PRX: variants seen among roughly 807,000 people sequenced by gnomAD.
The protein encoded by PRX is periaxin.
In PRX, 24 loss-of-function variants were observed where a neutral mutation model predicts 29.6. The observed-to-expected ratio is 0.81, with a 90% CI of 0.59 to 1.14. The LOEUF (loss-of-function observed/expected upper bound fraction) is 1.14, where lower values mean the gene tolerates loss of function less well. PRX is among the 50% of genes most tolerant of loss of function. The pLI is 0.00. For synonymous variants in PRX, 772 were observed against 831.7 expected, an observed-to-expected ratio of 0.93 and a Z score of 1.24; for missense variants, 1,838 against 1,926.4, an observed-to-expected ratio of 0.95 and a Z score of 0.86.
At chr19:40,403,948 T>TACATATATATAA in intron 4 of PRX, 86 bp from the exon 5 acceptor site, 8 of 1,418,414 alleles carry the variant, frequency 5.6e-6, no homozygotes, top group Non-Finnish European at 7.7e-6. Flanking sequence ...GTGGCTCATA[T>TACATATATATAA]ACATATATAT....
intron 1 of PRX, among the ~76,000 whole-genome samples, chr19:40,412,769 G>A (rs1223008001): frequency 2.6e-5 from 4 of 152,196 alleles, no homozygotes; most frequent in African/African-American, 9.7e-5. Flanking sequence ...AGACTGGAGT[G>A]CAGAGGTGTG....
At chr19:40,413,481 G>C (rs1483857025), upstream of PRX, 1 of 152,296 alleles carries the variant, frequency 6.6e-6, no homozygotes, top group Non-Finnish European at 1.5e-5. Context: ...CAGAGGGTGG[G>C]TGGTGGAGAA....
intron 5 of PRX, among the ~76,000 whole-genome samples, chr19:40,401,770 T>C (rs1052317250): frequency 1.1e-3 from 94 of 82,434 alleles, no homozygotes; most frequent in African/African-American, 2.3e-3. Flanking sequence ...AGCCCACCCC[T>C]TTTTTTTTTT....
chr19:40,407,020 C>T (rs1359560336), intron 4 of PRX, among the ~76,000 whole-genome samples: 2 of 152,012 alleles, frequency 1.3e-5, no homozygotes, highest in Non-Finnish European at 2.9e-5. Flanking sequence ...GTGATCCGCC[C>T]GCCTTGGCCT....
At chr19:40,399,903 C>CTTTCTTTCTTTCTTTCTTTG (rs1286484666) in intron 5 of PRX, among the ~76,000 whole-genome samples, 1 of 60,292 alleles carries the variant, frequency 1.7e-5, no homozygotes, top group Admixed American at 1.7e-4. Context: ...TTCTTTCTTT[C>CTTTCTTTCTTTCTTTCTTTG]TTTTTCTTTC....
intron 5 of PRX, among the ~76,000 whole-genome samples, chr19:40,400,928 A>G (rs2079489983): frequency 6.6e-6 from 1 of 151,948 alleles, no homozygotes; most frequent in Admixed American, 6.6e-5. Flanking sequence ...TCCACCCTAG[A>G]CTCACATCCA....
chr19:40,396,582 C>T lies in PRX; in HGVS notation c.1770G>A (p.Val590=). The T allele has an allele frequency of 3.1e-6, 5 of 1,613,622 alleles. No individual in the cohort carries two copies. The highest frequency in any genetic ancestry group is 4.2e-6 in the Non-Finnish European group (5 of 1,179,872). Residue 590 remains valine (V), a synonymous_variant, in exon 7 of 7, where the codon GTG becomes GTA. Transcript: ENST00000324001. ...MKVPEMKLPK[V]PEMKLPEMKL... ...TCATCTCAGGAAGTTTCATCTCAGG[C>T]ACCTTTGGAAGCTTCATCTCAGGGA...
At position 40,395,036 on chromosome 19, in the gene PRX, C is replaced by T. The variant is rs776889377; in HGVS notation, c.3316G>A (p.Ala1106Thr). Residue 1106 changes from alanine (A) to threonine (T), a missense_variant, in exon 7 of 7, where the codon GCC becomes ACC. This residue lies in a region of PRX where 1,143 missense variants were observed against 1,193.0 expected (regional missense o/e 0.96). Coordinates refer to ENST00000324001, the MANE Select transcript of PRX (RefSeq NM_181882.3). The part of the protein sequence containing the change: ...IPEVELVTLG[A>T]QEEGRAEGAV... ...CCCTCTGCCCTCCCTTCCTCCTGGG[C>T]GCCCAGCGTGACCAGCTCCACCTCG... 5.0e-6 allele frequency: 8 copies of T among 1,611,084 alleles called. No individual in the cohort carries two copies. Among genetic ancestry groups the T allele is most frequent in the South Asian group, 1.1e-5 (1 of 91,072 alleles).
rs200133532 is a variant in PRX, at chr19:40,394,878, G to A, written c.3474C>T (p.Thr1158=). ...CTGGGGTACCTGCCTCCCCAAAGCC[G>A]GTCAGCTCCACCTGTGGCAGGGAGA... is the stretch of plus-strand genomic sequence containing the variant. ...LGISLPQVEL[T]GFGEAGTPGQ... is the part of the protein sequence containing the mutation. The change falls in exon 7 of 7, where the codon ACC becomes ACT. Residue 1158 remains threonine, a synonymous_variant. Transcript: ENST00000324001. The surrounding 1 kb of genome is among the most constrained non-coding windows in gnomAD (Gnocchi z 5.8). 9.3e-6 allele frequency: 15 copies of A among 1,611,444 alleles called. No individual in the cohort carries two copies. Among genetic ancestry groups the A allele is most frequent in the East Asian group, 6.7e-5 (3 of 44,852 alleles).
chr19:40,409,821 C>T (rs1448557412), intron 1 of PRX, among the ~76,000 whole-genome samples: 1 of 152,098 alleles, frequency 6.6e-6, no homozygotes, highest in Non-Finnish European at 1.5e-5. Flanking sequence ...TTGTGTCGAG[C>T]GCCCCACATG....
At chr19:40,393,767 C>A, downstream of PRX, 1 of 773,028 alleles carries the variant, frequency 1.3e-6, no homozygotes, top group Non-Finnish European at 2.1e-6. Flanking sequence ...AAATACATGG[C>A]TACTTCCAGA....
rs2079463931 is a variant in PRX, at chr19:40,398,551, T to C, written c.381+69A>G. The C allele has an allele frequency of 6.3e-7, 1 of 1,598,536 alleles. No homozygotes were observed. The highest frequency in any genetic ancestry group is 8.5e-7 in the Non-Finnish European group (1 of 1,172,862). ...AAGGCTGGCCCACGATGGCGGGGAA[T>C]GGGGCTCACGGCGCAGAGACCGGAT... is the stretch of plus-strand genomic sequence containing the variant. On this transcript the variant is annotated intron_variant, in intron 6 of 6. Coordinates refer to ENST00000324001, the MANE Select transcript of PRX (RefSeq NM_181882.3). This position sits in a 1 kb window ranked among gnomAD's most constrained non-coding sequence, Gnocchi z 6.3.
In PRX at chr19:40,408,216, C is replaced by T. The variant is rs1172130957; in HGVS notation, c.-158G>A. The T allele has an allele frequency of 3.5e-6, 2 of 570,644 alleles. No individual in the cohort carries two copies. Among genetic ancestry groups the T allele is most frequent in the African/African-American group, 3.8e-5 (2 of 53,312 alleles). 35.3% of individuals were successfully genotyped at this position (570,644 alleles called of 1,614,324 possible). A position where few individuals can be genotyped will look rare whatever the true frequency, so the allele number is the denominator to read the frequency against. ...GAGCCCAGCCCGAGGTGCCGCACAGCTGTCTGCAGGGCTCACGCCCTTCCG... is the reference window on the plus strand; with the variant it reads ...GAGCCCAGCCCGAGGTGCCGCACAGTTGTCTGCAGGGCTCACGCCCTTCCG... On this transcript the variant is annotated 5_prime_UTR_variant, in exon 3 of 7. Transcript: ENST00000324001.
chr19:40,410,451 C>A (rs1048512273), intron 1 of PRX, among the ~76,000 whole-genome samples: 1 of 152,194 alleles, frequency 6.6e-6, no homozygotes, highest in Non-Finnish European at 1.5e-5. Context: ...ACAGCACCCA[C>A]GCCCCCCACA....
chr19:40,408,575 C>G (rs1468239233), intron 1 of PRX, among the ~76,000 whole-genome samples, 192 bp from the exon 2 acceptor site: 2 of 152,204 alleles, frequency 1.3e-5, no homozygotes, highest in Non-Finnish European at 2.9e-5. Context: ...CGAGGCCTGT[C>G]TGGCAGCAGA....
chr19:40,403,667 C>G (rs1157358205), intron 5 of PRX, 39 bp downstream of exon 5: 3 of 1,524,998 alleles, frequency 2.0e-6, no homozygotes, highest in Non-Finnish European at 2.6e-6. Flanking sequence ...AACCCCGCCC[C>G]CGCAGTTCGA....
At chr19:40,407,725 G>A (rs192591038) in intron 4 of PRX, 181 bp downstream of exon 4, 40 of 810,946 alleles carry the variant, frequency 4.9e-5, no homozygotes, top group Non-Finnish European at 5.7e-5. Context: ...CTGCACTAAG[G>A]ACATTACATA....
chr19:40,397,605 G>C lies in PRX; in HGVS notation c.747C>G (p.Pro249=). The change falls in exon 7 of 7, where the codon CCC becomes CCG. Residue 249 remains proline (P), a synonymous_variant. Transcript: ENST00000324001. ...GGGCAGCCTTGGGGGCTGAGACCTG[G>C]GGGACACCCACCTCCGCCCCTGGCA... ...PRLPGAEVGV[P]QVSAPKAAPS... is the part of the protein sequence containing the mutation. The C allele has an allele frequency of 6.5e-7, 1 of 1,541,634 alleles. No individual in the cohort carries two copies.
intron 5 of PRX, among the ~76,000 whole-genome samples, chr19:40,399,895 CTTTCTTTCTT>C (rs759888779): frequency 0.048 from 3,426 of 70,938 alleles, 143 homozygotes; most frequent in African/African-American, 0.23. Context: ...TTCTTTCTTT[CTTTCTTTCTT>C]TTTCTTTCTT....
Sources: gnomAD v4.1 joint callset for allele counts (sites outside exome capture counted in the v4.1 genomes callset) on GRCh38, gnomAD v4.1.1 for gene constraint, gnomAD v4.1.1 regional missense constraint, Gnocchi (gnomAD v3.1) non-coding constraint, MANE v1.5 for transcripts, NCBI Gene and HGNC (gene_info 2026-07-23, HGNC 2026-07-21) for gene names.